Variants in PCNX2 observed in about 807,000 individuals in gnomAD.
The protein encoded by PCNX2 is pecanex 2, also known as pecanex-like protein 2.
In PCNX2, 168 loss-of-function variants were observed where a neutral mutation model predicts 223.8. That is an observed-to-expected ratio of 0.75 (90% confidence interval 0.66 to 0.85). The LOEUF is 0.85. Ranked by LOEUF, PCNX2 falls within the 40% of genes least tolerant of loss-of-function variation. The pLI is 0.00. For missense variants in PCNX2, 2,507 were observed against 2,675.5 expected, an observed-to-expected ratio of 0.94 and a Z score of 1.39; for synonymous variants, 1,006 against 1,052.6, an observed-to-expected ratio of 0.96 and a Z score of 0.86.
chr1:233,270,704 G>C (rs1337002951), intron 1 of PCNX2, among the ~76,000 whole-genome samples: 1 of 152,192 alleles, frequency 6.6e-6, no homozygotes, highest in Non-Finnish European at 1.5e-5. Flanking sequence ...TTTGCTGTCT[G>C]TTTCTTATGA....
chr1:233,003,370 A>T (rs540967202), intron 28 of PCNX2, among the ~76,000 whole-genome samples: 1 of 152,366 alleles, frequency 6.6e-6, no homozygotes, highest in East Asian at 1.9e-4. Context: ...TCAAAAGAAG[A>T]CATTTATGCG....
At chr1:233,203,468 G>A (rs1250394353) in intron 13 of PCNX2, among the ~76,000 whole-genome samples, 2 of 152,142 alleles carry the variant, frequency 1.3e-5, no homozygotes, top group East Asian at 3.9e-4. Flanking sequence ...AGTGCACCGA[G>A]TAATATTCTG....
At chr1:233,294,400 T>A (rs1169757087) in intron 1 of PCNX2, among the ~76,000 whole-genome samples, 1 of 152,010 alleles carries the variant, frequency 6.6e-6, no homozygotes, top group African/African-American at 2.4e-5. Context: ...ACACCCAGAG[T>A]TCTGACCCTT....
chr1:233,152,603 T>C (rs1219883583), intron 19 of PCNX2, among the ~76,000 whole-genome samples: 2 of 152,244 alleles, frequency 1.3e-5, no homozygotes, highest in Admixed American at 6.5e-5. Flanking sequence ...TGAGTTTCAC[T>C]TAATTACTGC....
intron 23 of PCNX2, among the ~76,000 whole-genome samples, chr1:233,084,672 T>C (rs1378843593): frequency 6.6e-6 from 1 of 152,220 alleles, no homozygotes; most frequent in South Asian, 2.1e-4. Flanking sequence ...ACTGGGCACA[T>C]GTATCATGTA....
intron 1 of PCNX2, among the ~76,000 whole-genome samples, chr1:233,284,072 G>A (rs891417955): frequency 3.3e-5 from 5 of 152,140 alleles, no homozygotes; most frequent in Non-Finnish European, 7.4e-5. Flanking sequence ...AATCAAGATA[G>A]GTGGCAACTA....
chr1:233,182,199 G>A (rs1259915732), intron 15 of PCNX2, among the ~76,000 whole-genome samples: 1 of 152,198 alleles, frequency 6.6e-6, no homozygotes, highest in Non-Finnish European at 1.5e-5. Flanking sequence ...GGTGATTTAA[G>A]TTTTTGACAT....
intron 1 of PCNX2, among the ~76,000 whole-genome samples, chr1:233,268,630 C>T (rs1391379852): frequency 1.3e-5 from 2 of 152,112 alleles, no homozygotes; most frequent in Admixed American, 1.3e-4. Context: ...AAGTTACCTA[C>T]CTAGCAACTT....
chr1:233,075,270 T>C (rs12060729), intron 23 of PCNX2, among the ~76,000 whole-genome samples: 61,068 of 152,084 alleles, frequency 0.4, 14,668 homozygotes, highest in African/African-American at 0.67. Context: ...TAATGACACA[T>C]ACAACTTGGA....
At chr1:233,317,912 T>A in the PCNX2 span, among the ~76,000 whole-genome samples, 2 of 152,108 alleles carry the variant, frequency 1.3e-5, no homozygotes, top group African/African-American at 4.8e-5. Flanking sequence ...AAGATTGGAG[T>A]CCATGTCTTC....
chr1:233,209,241 T>G (rs1681685327), intron 12 of PCNX2, among the ~76,000 whole-genome samples: 1 of 152,198 alleles, frequency 6.6e-6, no homozygotes. Flanking sequence ...TTAAAAAAAG[T>G]GTTATTTATA....
chr1:233,216,290 C>T (rs1483197011), intron 12 of PCNX2, among the ~76,000 whole-genome samples: 1 of 152,196 alleles, frequency 6.6e-6, no homozygotes, highest in East Asian at 1.9e-4. Context: ...CAGAGGAAAG[C>T]ACATGGGTGT....
intron 28 of PCNX2, among the ~76,000 whole-genome samples, chr1:233,006,195 CT>C (rs1216684387): frequency 3.9e-5 from 6 of 152,156 alleles, no homozygotes; most frequent in Non-Finnish European, 7.3e-5. Flanking sequence ...AAATGTCACG[CT>C]TTCAGATGAC....
At chr1:233,074,295 A>G (rs1186401890) in intron 23 of PCNX2, among the ~76,000 whole-genome samples, 2 of 152,170 alleles carry the variant, frequency 1.3e-5, no homozygotes, top group Non-Finnish European at 2.9e-5. Flanking sequence ...TTTGCAAAAC[A>G]TTTTGTTAAG....
chr1:233,210,330 T>C (rs1024386774), intron 12 of PCNX2: 5 of 152,084 alleles, frequency 3.3e-5, no homozygotes, highest in African/African-American at 1.2e-4. Context: ...AAGGCTGGAG[T>C]ACAGTGTTAT....
At chr1:233,159,545 T>C (rs972310906) in intron 19 of PCNX2, among the ~76,000 whole-genome samples, 5 of 152,212 alleles carry the variant, frequency 3.3e-5, no homozygotes, top group South Asian at 2.1e-4. Flanking sequence ...ACAGCAGTTA[T>C]AATCTATGAG....
At chr1:233,018,885 C>A (rs1426200968) in intron 26 of PCNX2, 2 of 985,272 alleles carry the variant, frequency 2.0e-6, no homozygotes, top group East Asian at 1.1e-4. Flanking sequence ...AAAACATATT[C>A]TTTTTAAGTG....
At chr1:233,160,468 C>T in intron 18 of PCNX2, 35 bp from the exon 19 acceptor site, 1 of 1,599,298 alleles carries the variant, frequency 6.3e-7, no homozygotes, top group Non-Finnish European at 8.6e-7. Context: ...CATTACTTAG[C>T]CTAGAGGATG....
intron 23 of PCNX2, among the ~76,000 whole-genome samples, chr1:233,074,456 G>T (rs187822529): frequency 0.027 from 4,102 of 151,184 alleles, 78 homozygotes; most frequent in Non-Finnish European, 0.045. Flanking sequence ...TTAGCTGGGC[G>T]TAGTGGCGGG....
Sources: gnomAD v4.1 joint callset for allele counts (sites outside exome capture counted in the v4.1 genomes callset) on GRCh38, gnomAD v4.1.1 for gene constraint, MANE v1.5 for transcripts, NCBI Gene and HGNC (gene_info 2026-07-23, HGNC 2026-07-21) for gene names.